The following OR2L13 variants were observed in gnomAD, a reference collection of about 807,000 sequenced individuals.
The protein encoded by OR2L13 is olfactory receptor family 2 subfamily L member 13.
Under a neutral mutation model 15.3 loss-of-function variants are expected in OR2L13, and 14 were observed. That is an observed-to-expected ratio of 0.91 (90% CI 0.60 to 1.43). OR2L13 has a LOEUF of 1.43. Among genes scored for constraint, OR2L13 ranks in the 40% most tolerant of loss-of-function variants. The pLI is 0.00. For synonymous variants in OR2L13, 152 were observed against 142.9 expected (o/e 1.06, Z -0.45); for missense variants, 367 against 387.9 (o/e 0.95, Z 0.45).
At chr1:248,003,512 C>T in the OR2L13 span, 3 of 1,612,230 alleles carry the variant, frequency 1.9e-6, no homozygotes, top group Non-Finnish European at 2.5e-6. Context: ...TATTTGCTTT[C>T]CTCTCCACTA....
the OR2L13 span, among the ~76,000 whole-genome samples, chr1:247,989,595 T>A: frequency 6.6e-6 from 1 of 152,188 alleles, no homozygotes; most frequent in Non-Finnish European, 1.5e-5. Context: ...AAATATAATT[T>A]CTGGGTGACA....
chr1:248,016,196 T>G, the OR2L13 span, among the ~76,000 whole-genome samples: 3 of 152,206 alleles, frequency 2.0e-5, no homozygotes, highest in Non-Finnish European at 4.4e-5. Context: ...CATTCTGACT[T>G]CAAAAGATAG....
At chr1:248,074,047 G>C in the OR2L13 span, among the ~76,000 whole-genome samples, 11 of 151,738 alleles carry the variant, frequency 7.2e-5, no homozygotes, top group Admixed American at 4.6e-4. Context: ...TAATAATCAG[G>C]CTAGCCAAAA....
the OR2L13 span, among the ~76,000 whole-genome samples, chr1:247,960,401 G>T: frequency 6.6e-6 from 1 of 152,212 alleles, no homozygotes; most frequent in East Asian, 1.9e-4. Flanking sequence ...ACCCACTTGA[G>T]GAGGCAGTCT....
At chr1:248,026,378 A>G in the OR2L13 span, among the ~76,000 whole-genome samples, 1 of 152,222 alleles carries the variant, frequency 6.6e-6, no homozygotes. Flanking sequence ...AAGGTCCTGC[A>G]TGTTGCAGAT....
At chr1:248,042,244 C>CTA in the OR2L13 span, 1 of 151,442 alleles carries the variant, frequency 6.6e-6, no homozygotes, top group Non-Finnish European at 1.5e-5. Context: ...TCTCACTAAA[C>CTA]TATCACAAGA....
the OR2L13 span, chr1:247,975,526 G>A: frequency 1.8e-6 from 2 of 1,099,494 alleles, no homozygotes; most frequent in East Asian, 2.4e-5. Flanking sequence ...ATCTCCAACA[G>A]AGGACAAGGT....
chr1:248,080,815 G>C, the OR2L13 span, among the ~76,000 whole-genome samples: 1 of 152,162 alleles, frequency 6.6e-6, no homozygotes, highest in Non-Finnish European at 1.5e-5. Context: ...GGGTCAAATA[G>C]TATTTCTGGT....
At chr1:248,086,763 A>G in the OR2L13 span, among the ~76,000 whole-genome samples, 1 of 152,014 alleles carries the variant, frequency 6.6e-6, no homozygotes, top group African/African-American at 2.4e-5. Flanking sequence ...ATTCTAAGCT[A>G]TTAAATAGGA....
At chr1:248,009,142 CCAAA>C in the OR2L13 span, among the ~76,000 whole-genome samples, 1 of 151,426 alleles carries the variant, frequency 6.6e-6, no homozygotes, top group Non-Finnish European at 1.5e-5. Context: ...AGAAGCAAAC[CCAAA>C]CAAATTCAAA....
At chr1:247,950,152 T>G in the OR2L13 span, among the ~76,000 whole-genome samples, 1 of 152,196 alleles carries the variant, frequency 6.6e-6, no homozygotes. Context: ...AAAATTTTTT[T>G]TTGGTTATGT....
At chr1:248,031,220 C>G in the OR2L13 span, among the ~76,000 whole-genome samples, 1 of 152,118 alleles carries the variant, frequency 6.6e-6, no homozygotes, top group Non-Finnish European at 1.5e-5. Context: ...AGACTGCTTT[C>G]TCATTAGGGA....
At chr1:248,084,732 A>T in the OR2L13 span, 3 of 1,335,018 alleles carry the variant, frequency 2.2e-6, no homozygotes, top group South Asian at 3.0e-5. Flanking sequence ...TTTAGACTTC[A>T]TCTCAGACAC....
the OR2L13 span, among the ~76,000 whole-genome samples, chr1:248,044,195 A>C: frequency 2.0e-5 from 3 of 152,076 alleles, no homozygotes; most frequent in Non-Finnish European, 4.4e-5. Flanking sequence ...AAACGAGTGG[A>C]CAATAATTAT....
At chr1:248,100,522 A>G (rs559142312) in exon 3 of OR2L13, 2 of 274,118 alleles carry the variant, frequency 7.3e-6, no homozygotes, top group East Asian at 1.4e-4. Context: ...ATTACATAGC[A>G]TACTATTTCA....
At chr1:247,994,314 G>C in the OR2L13 span, among the ~76,000 whole-genome samples, 2 of 152,080 alleles carry the variant, frequency 1.3e-5, no homozygotes, top group Non-Finnish European at 2.9e-5. Context: ...GGAGAATGGC[G>C]TGAACCCGGG....
the OR2L13 span, among the ~76,000 whole-genome samples, chr1:248,043,785 G>T: frequency 6.6e-6 from 1 of 152,102 alleles, no homozygotes; most frequent in Non-Finnish European, 1.5e-5. Context: ...AAAGTAAGAG[G>T]AGGACGTGTC....
the OR2L13 span, chr1:247,949,446 A>C: frequency 6.3e-7 from 1 of 1,590,204 alleles, no homozygotes; most frequent in Non-Finnish European, 8.6e-7. Flanking sequence ...CTATGAGGGC[A>C]CAGTGTTTTT....
chr1:248,063,915 C>G, the OR2L13 span, among the ~76,000 whole-genome samples: 200 of 152,214 alleles, frequency 1.3e-3, 2 homozygotes, highest in African/African-American at 4.7e-3. Flanking sequence ...CTTGCTAATG[C>G]TGCCAACCTG....
Sources: allele counts gnomAD v4.1 joint callset (sites outside exome capture counted in the v4.1 genomes callset), GRCh38; gene constraint gnomAD v4.1.1; transcripts MANE v1.5; gene names NCBI Gene and HGNC (gene_info 2026-07-23, HGNC 2026-07-21).